ETV6: variants seen among roughly 807,000 people sequenced by gnomAD.
The protein encoded by ETV6 is ETS variant transcription factor 6.
In ETV6, 16 loss-of-function variants were observed where a neutral mutation model predicts 51.1. The ratio of observed to expected loss-of-function variants is 0.31; its 90% confidence interval spans 0.21 to 0.48. ETV6 has a LOEUF of 0.48. Among genes scored for constraint, ETV6 ranks in the 20% least tolerant of loss-of-function variants. The probability of loss-of-function intolerance (pLI) is 0.99; values close to 1 mark genes in which losing one functional copy is unlikely to be tolerated. For missense variants in ETV6, 458 were observed against 594.8 expected, an observed-to-expected ratio of 0.77 and a Z score of 2.39; for synonymous variants, 240 against 224.1, an observed-to-expected ratio of 1.07 and a Z score of -0.64.
chr12:11,713,299 GT>G (rs1865207156), intron 1 of ETV6, among the ~76,000 whole-genome samples: 1 of 152,180 alleles, frequency 6.6e-6, no homozygotes, highest in Non-Finnish European at 1.5e-5. Flanking sequence ...GCTTTCAAAT[GT>G]TTGGTAATCA....
At chr12:11,718,401 G>A (rs986079375) in intron 1 of ETV6, among the ~76,000 whole-genome samples, 1 of 152,164 alleles carries the variant, frequency 6.6e-6, no homozygotes, top group Non-Finnish European at 1.5e-5. Context: ...ACTTGGTGCA[G>A]AATGTAGATG....
intron 1 of ETV6, among the ~76,000 whole-genome samples, chr12:11,681,311 TA>T (rs1206810104): frequency 6.6e-6 from 1 of 152,222 alleles, no homozygotes; most frequent in African/African-American, 2.4e-5. Flanking sequence ...TAAAGTTAGC[TA>T]TTTATGATTT....
chr12:11,862,765 AC>A (rs1946734727), intron 4 of ETV6, among the ~76,000 whole-genome samples: 1 of 152,220 alleles, frequency 6.6e-6, no homozygotes, highest in South Asian at 2.1e-4. Context: ...TCCTGAGGGT[AC>A]TAGGGGTTAG....
At chr12:11,879,518 C>T (rs373322999) in intron 5 of ETV6, among the ~76,000 whole-genome samples, 4 of 152,182 alleles carry the variant, frequency 2.6e-5, no homozygotes, top group African/African-American at 9.7e-5. Flanking sequence ...GAAAATATTT[C>T]TCCTTAACCA....
rs1024869355 is a variant in ETV6 at position 11,869,768 on chromosome 12, C to T, written c.808C>T (p.Pro270Ser). 7 of 1,613,340 alleles carry T rather than the reference C, an allele frequency of 4.3e-6. No individual in the cohort carries two copies. In the Middle Eastern group the frequency reaches 4.9e-4, roughly 114 times the overall value. ...QESTRVIQLM[P>S]SPIMHPLILN... ...GAGCACACGCGTGATCCAGCTGATGCCCAGCCCCATCATGCACCCTCTGAT... is the reference window on the plus strand; with the variant it reads ...GAGCACACGCGTGATCCAGCTGATGTCCAGCCCCATCATGCACCCTCTGAT... The change falls in exon 5 of 8, where the codon CCC becomes TCC. Residue 270 changes from proline (P) to serine (S), a missense_variant. Transcript: ENST00000396373. The surrounding 1 kb of genome is among the most constrained non-coding windows in gnomAD (Gnocchi z 5.0).
chr12:11,889,284 A>G (rs1056364822), intron 7 of ETV6, among the ~76,000 whole-genome samples: 2 of 152,236 alleles, frequency 1.3e-5, no homozygotes, highest in African/African-American at 4.8e-5. Context: ...GAAAAGCAGT[A>G]GTAGCCAGAA....
At chr12:11,828,908 T>C (rs1946200801) in intron 2 of ETV6, among the ~76,000 whole-genome samples, 1 of 152,214 alleles carries the variant, frequency 6.6e-6, no homozygotes, top group Non-Finnish European at 1.5e-5. Flanking sequence ...TCTTGATTAC[T>C]GAAACTTTTT....
intron 2 of ETV6, among the ~76,000 whole-genome samples, chr12:11,836,220 T>A (rs1379280314): frequency 6.6e-6 from 1 of 152,238 alleles, no homozygotes; most frequent in Non-Finnish European, 1.5e-5. Context: ...TTTATTCTAT[T>A]GAATTACAAA....
At position 11,869,104 on chromosome 12, in the gene ETV6, T is replaced by C. The variant is rs930126803; in HGVS notation, c.464-320T>C. Among the ~76,000 whole-genome samples, 3 of 151,812 alleles carry C rather than the reference T, an allele frequency of 2.0e-5. No homozygotes were observed. The highest frequency in any genetic ancestry group is 7.3e-5 in the African/African-American group (3 of 41,300). ...AAAAAAAATTAGCCGAGCATGGTGG[T>C]GGGCGCCTGTAGTCCCAGCTACTCG... On this transcript the variant is annotated intron_variant, in intron 4 of 7. Coordinates refer to ENST00000396373, the MANE Select transcript of ETV6 (RefSeq NM_001987.5). The surrounding 1 kb of genome is among the most constrained non-coding windows in gnomAD (Gnocchi z 5.0).
intron 2 of ETV6, among the ~76,000 whole-genome samples, chr12:11,807,654 A>G (rs1945848699): frequency 6.6e-6 from 1 of 152,260 alleles, no homozygotes; most frequent in Non-Finnish European, 1.5e-5. Context: ...GTCTTTACTT[A>G]CTGGCAGGCA....
intron 1 of ETV6, among the ~76,000 whole-genome samples, chr12:11,678,103 A>G (rs549896774): frequency 1.6e-4 from 24 of 152,328 alleles, no homozygotes; most frequent in African/African-American, 5.8e-4. Context: ...GTTGCTGAAT[A>G]AATTAAAGAA....
intron 5 of ETV6, among the ~76,000 whole-genome samples, chr12:11,874,572 ACACATATATG>A (rs1946941413): frequency 2.0e-4 from 1 of 4,888 alleles, no homozygotes; most frequent in African/African-American, 9.1e-4. Flanking sequence ...GTGCGTGTGT[ACACATATATG>A]TGTGTATACA....
intron 1 of ETV6, among the ~76,000 whole-genome samples, chr12:11,715,765 A>G (rs571525682): frequency 3.9e-5 from 6 of 152,242 alleles, no homozygotes; most frequent in East Asian, 1.9e-4. Context: ...TTTGGTCACA[A>G]TTTCACAATG....
At chr12:11,751,923 G>T in intron 1 of ETV6, 1 of 445,516 alleles carries the variant, frequency 2.2e-6, no homozygotes, top group Non-Finnish European at 4.5e-6. Flanking sequence ...AATCTTCCTT[G>T]TGGATTGAAG....
At chr12:11,795,099 G>A (rs1205419148) in intron 2 of ETV6, among the ~76,000 whole-genome samples, 1 of 152,180 alleles carries the variant, frequency 6.6e-6, no homozygotes, top group African/African-American at 2.4e-5. Flanking sequence ...GTGCATATTT[G>A]CTTTTAGTTG....
chr12:11,695,323 G>A (rs892638904), intron 1 of ETV6, among the ~76,000 whole-genome samples: 5 of 152,184 alleles, frequency 3.3e-5, no homozygotes, highest in African/African-American at 1.2e-4. Flanking sequence ...CAAGAACACT[G>A]AGGAAAAGAA....
At chr12:11,757,663 T>C (rs968918474) in intron 2 of ETV6, among the ~76,000 whole-genome samples, 2 of 152,226 alleles carry the variant, frequency 1.3e-5, no homozygotes, top group Non-Finnish European at 2.9e-5. Context: ...TGAAACCACC[T>C]TTCAGCTTTT....
rs148116823 is a variant in ETV6 at position 11,869,725 on chromosome 12, A to T, written c.765A>T (p.Pro255=). ...CGTCCTCCGAGTCCCACCCGAAGCC[A>T]TCCAGCCCCCGGCAGGAGAGCACAC... is the stretch of plus-strand genomic sequence containing the variant. ...CPASSESHPK[P]SSPRQESTRV... The change falls in exon 5 of 8, where the codon CCA becomes CCT. Residue 255 remains proline (P), a synonymous_variant. Transcript: ENST00000396373. This position sits in a 1 kb window ranked among gnomAD's most constrained non-coding sequence, Gnocchi z 5.0. 1.8e-4 allele frequency: 289 copies of T among 1,613,910 alleles called. No homozygotes were observed. Among genetic ancestry groups the T allele is most frequent in the Middle Eastern group, 3.3e-4 (2 of 6,060 alleles).
intron 2 of ETV6, among the ~76,000 whole-genome samples, chr12:11,820,085 T>C (rs762179407): frequency 1.3e-5 from 2 of 152,212 alleles, no homozygotes; most frequent in Non-Finnish European, 2.9e-5. Context: ...TACTTAATGC[T>C]CATAATTCCT....
Sources: allele counts gnomAD v4.1 joint callset (sites outside exome capture counted in the v4.1 genomes callset), GRCh38; gene constraint gnomAD v4.1.1; non-coding constraint Gnocchi (gnomAD v3.1); transcripts MANE v1.5; gene names NCBI Gene and HGNC (gene_info 2026-07-23, HGNC 2026-07-21).